Variants in ERICH1 observed in about 807,000 individuals in gnomAD.
The protein encoded by ERICH1 is glutamate-rich protein 1.
ERICH1 carries 56 observed loss-of-function variants against 39.6 expected under a neutral mutation model. That is an observed-to-expected ratio of 1.41 (90% confidence interval 1.14 to 1.77). The LOEUF (loss-of-function observed/expected upper bound fraction) is 1.77. Ranked by LOEUF, ERICH1 falls within the 40% of genes most tolerant of loss-of-function variation. The probability of loss-of-function intolerance (pLI) is 0.00; values close to 1 mark genes in which losing one functional copy is unlikely to be tolerated. For synonymous variants in ERICH1, 313 were observed against 223.6 expected, an observed-to-expected ratio of 1.40 and a Z score of -3.57; for missense variants, 826 against 575.4, an observed-to-expected ratio of 1.44 and a Z score of -4.45.
chr8:708,225 C>T (rs369311975), intron 2 of ERICH1, among the ~76,000 whole-genome samples: 53 of 152,230 alleles, frequency 3.5e-4, no homozygotes, highest in African/African-American at 1.2e-3. Flanking sequence ...GACAAGAGTC[C>T]GGCAGTTTCT....
At chr8:730,539 T>C (rs1585781904) in intron 1 of ERICH1, among the ~76,000 whole-genome samples, 1 of 152,222 alleles carries the variant, frequency 6.6e-6, no homozygotes, top group Non-Finnish European at 1.5e-5. Flanking sequence ...GAGCACGCTT[T>C]ATTTTCTAAC....
intron 3 of ERICH1, among the ~76,000 whole-genome samples, chr8:681,581 G>A (rs1471721305): frequency 6.6e-6 from 1 of 152,202 alleles, no homozygotes; most frequent in Non-Finnish European, 1.5e-5. Flanking sequence ...ACCTAACATA[G>A]ACAGAGGGCC....
intron 1 of ERICH1, chr8:725,981 A>C (rs966836247): frequency 2.0e-5 from 3 of 152,468 alleles, no homozygotes; most frequent in Non-Finnish European, 4.4e-5. Flanking sequence ...ACCACATCTG[A>C]GTAGAAAATG....
downstream of ERICH1, among the ~76,000 whole-genome samples, chr8:661,942 G>C (rs553781962): frequency 1.1e-4 from 17 of 150,320 alleles, no homozygotes; most frequent in African/African-American, 4.1e-4. Context: ...CAGTGGCAGG[G>C]ATTCTGTGGA....
chr8:638,384 C>T (rs573741309), intron 3 of ERICH1, among the ~76,000 whole-genome samples: 1 of 152,286 alleles, frequency 6.6e-6, no homozygotes, highest in East Asian at 1.9e-4. Context: ...GGAGAGGAGG[C>T]CTGCTTGAGA....
intron 2 of ERICH1, among the ~76,000 whole-genome samples, chr8:708,500 C>A (rs1245602471): frequency 1.3e-5 from 2 of 152,068 alleles, no homozygotes; most frequent in Admixed American, 1.3e-4. Flanking sequence ...CATGCTACAA[C>A]ATGAATGAAC....
At chr8:717,636 ATTCTAAGACAAAACCAT>A (rs1363552294) in intron 1 of ERICH1, among the ~76,000 whole-genome samples, 1 of 152,250 alleles carries the variant, frequency 6.6e-6, no homozygotes, top group Non-Finnish European at 1.5e-5. Flanking sequence ...GCCAAAACAA[ATTCTAAGACAAAACCAT>A]AACCAGCCGT....
At chr8:624,927 C>T (rs778480994) in intron 3 of ERICH1, among the ~76,000 whole-genome samples, 6 of 151,996 alleles carry the variant, frequency 3.9e-5, no homozygotes, top group Non-Finnish European at 5.9e-5. Flanking sequence ...GGGGTTTCAC[C>T]GTGTTAGCCA....
intron 3 of ERICH1, among the ~76,000 whole-genome samples, chr8:687,998 C>G (rs1285397821): frequency 6.6e-6 from 1 of 152,140 alleles, no homozygotes; most frequent in Non-Finnish European, 1.5e-5. Context: ...GTCCCGAGCC[C>G]CGACCGCAGC....
intron 1 of ERICH1, among the ~76,000 whole-genome samples, chr8:722,864 C>T (rs933892587): frequency 3.3e-5 from 5 of 152,232 alleles, no homozygotes; most frequent in Non-Finnish European, 7.3e-5. Context: ...GATAGGACCA[C>T]ATGCTTACAG....
chr8:638,455 T>C (rs1170298252), intron 3 of ERICH1, among the ~76,000 whole-genome samples: 1 of 152,154 alleles, frequency 6.6e-6, no homozygotes, highest in Non-Finnish European at 1.5e-5. Flanking sequence ...GGAGGGCAGT[T>C]GATGAAATGC....
chr8:682,473 A>ACCC, intron 3 of ERICH1, among the ~76,000 whole-genome samples: 1 of 152,160 alleles, frequency 6.6e-6, no homozygotes, highest in Non-Finnish European at 1.5e-5. Context: ...CTCATGCTGC[A>ACCC]CCCTCCATAT....
At chr8:628,610 A>AG (rs2117081533) in intron 3 of ERICH1, among the ~76,000 whole-genome samples, 1 of 152,320 alleles carries the variant, frequency 6.6e-6, no homozygotes, top group East Asian at 1.9e-4. Context: ...TCAAAGGCTC[A>AG]GGGCTGCCTT....
At chr8:672,817 G>A (rs1044162424) in intron 4 of ERICH1, among the ~76,000 whole-genome samples, 2 of 152,238 alleles carry the variant, frequency 1.3e-5, no homozygotes, top group African/African-American at 2.4e-5. Context: ...CGTTCTATGT[G>A]GAAGAGAAAA....
At chr8:727,872 C>T (rs1396568800) in intron 1 of ERICH1, among the ~76,000 whole-genome samples, 1 of 152,188 alleles carries the variant, frequency 6.6e-6, no homozygotes, top group Admixed American at 6.5e-5. Context: ...TGCAGTGAGA[C>T]GAATGCAGGG....
chr8:623,991 C>T (rs1310954272), intron 3 of ERICH1, among the ~76,000 whole-genome samples: 1 of 151,966 alleles, frequency 6.6e-6, no homozygotes, highest in Non-Finnish European at 1.5e-5. Flanking sequence ...ATTTGCAAAT[C>T]ATATATCTAA....
At chr8:635,739 T>A (rs1374599251) in intron 3 of ERICH1, among the ~76,000 whole-genome samples, 1 of 152,124 alleles carries the variant, frequency 6.6e-6, no homozygotes, top group East Asian at 1.9e-4. Context: ...CTTGTCACCA[T>A]CGAGTGGGGC....
intron 5 of ERICH1, 43 bp downstream of exon 5, chr8:668,555 G>C (rs1425816253): frequency 1.9e-6 from 3 of 1,609,452 alleles, no homozygotes; most frequent in East Asian, 2.2e-5. Flanking sequence ...ACCTCGATGA[G>C]AGTATCTTAA....
At position 654,885 on chromosome 8, in the gene ERICH1, G is replaced by T. The variant is rs560673065; in HGVS notation, c.976+13713C>A. Among the ~76,000 whole-genome samples, 87 of 152,326 alleles carry T rather than the reference G, an allele frequency of 5.7e-4. 1 individual carries two copies. The East Asian group carries it at 0.016, about 27-fold the overall frequency. On this transcript the variant is annotated intron_variant, in intron 3 of 3. Transcript: ENST00000522706. ...TGTCCCCCCAGCAGGAACCTGAGGC[G>T]GGAACACCTGCCAAGCTGGAGACAG... is the stretch of plus-strand genomic sequence containing the variant.
Sources: allele counts gnomAD v4.1 joint callset (sites outside exome capture counted in the v4.1 genomes callset), GRCh38; gene constraint gnomAD v4.1.1; transcripts MANE v1.5; gene names NCBI Gene and HGNC (gene_info 2026-07-23, HGNC 2026-07-21).